ZMIZ1: variants seen among roughly 807,000 people sequenced by gnomAD.
The protein encoded by ZMIZ1 is zinc finger MIZ domain-containing protein 1.
ZMIZ1 carries 17 observed loss-of-function variants against 113.9 expected under a neutral mutation model. The ratio of observed to expected loss-of-function variants is 0.15; its 90% CI spans 0.10 to 0.22. ZMIZ1 has a LOEUF of 0.22. Ranked by LOEUF, ZMIZ1 falls within the 10% of genes least tolerant of loss-of-function variation. The pLI, the probability that ZMIZ1 is intolerant of heterozygous loss-of-function variation, is 1.00. For synonymous variants in ZMIZ1, 607 were observed against 603.1 expected (o/e 1.01, Z -0.09); for missense variants, 1,059 against 1,477.8 (o/e 0.72, Z 4.65).
intron 1 of ZMIZ1, among the ~76,000 whole-genome samples, chr10:79,104,968 T>C (rs1194528504): frequency 3.3e-5 from 5 of 151,416 alleles, no homozygotes; most frequent in Non-Finnish European, 7.4e-5. Context: ...TGTGTGTGTG[T>C]GTGTGTGTGT....
At chr10:79,120,613 A>G (rs1211499065) in intron 2 of ZMIZ1, among the ~76,000 whole-genome samples, 1 of 152,212 alleles carries the variant, frequency 6.6e-6, no homozygotes, top group Non-Finnish European at 1.5e-5. Flanking sequence ...ATCTGGAAAC[A>G]GGAATCGTCC....
In ZMIZ1 at chr10:79,177,127, C is replaced by T. The variant is rs139808878; in HGVS notation, c.-50+14994C>T. Among the ~76,000 whole-genome samples the T allele has an allele frequency of 7.2e-5, 11 of 152,324 alleles. No homozygotes were observed. The East Asian group carries it at 1.5e-3, about 21-fold the overall frequency. On this transcript the variant is annotated intron_variant, in intron 4 of 24. Transcript: ENST00000334512. ...CAGTGAAGCGTGGGCCTGCTCACAG[C>T]GCCTGGCAGGGACCTGTAAATTGAA...
intron 1 of ZMIZ1, among the ~76,000 whole-genome samples, chr10:79,087,233 A>T (rs938075577): frequency 6.6e-6 from 1 of 152,238 alleles, no homozygotes; most frequent in Non-Finnish European, 1.5e-5. Flanking sequence ...TTATACATGT[A>T]TTAGATGATT....
chr10:79,182,127 C>T (rs1419877259), intron 4 of ZMIZ1, among the ~76,000 whole-genome samples: 1 of 152,188 alleles, frequency 6.6e-6, no homozygotes, highest in Non-Finnish European at 1.5e-5. Context: ...TGTGTATGTG[C>T]ACATGCGTGT....
intron 7 of ZMIZ1, among the ~76,000 whole-genome samples, chr10:79,241,199 T>G (rs1161492993): frequency 6.6e-6 from 1 of 152,190 alleles, no homozygotes. Context: ...CAGTGTTCTC[T>G]TGGAACACGT....
intron 4 of ZMIZ1, among the ~76,000 whole-genome samples, chr10:79,173,806 G>T (rs1482439575): frequency 1.3e-5 from 2 of 152,172 alleles, no homozygotes; most frequent in Non-Finnish European, 2.9e-5. Context: ...GAGACGCTAG[G>T]TAATATGCTC....
At position 79,304,165 on chromosome 10, in the gene ZMIZ1, A is replaced by G. The variant is rs1854525279; in HGVS notation, c.2276A>G (p.Lys759Arg). Residue 759 changes from lysine (K) to arginine (R), a missense_variant, in exon 19 of 25, where the codon AAG (lysine) becomes AGG (arginine). This residue lies in a region of ZMIZ1 where 217 missense variants were observed against 426.9 expected (regional missense o/e 0.51). Coordinates refer to ENST00000334512, the MANE Select transcript of ZMIZ1 (RefSeq NM_020338.4). The stretch of plus-strand genomic sequence containing the variant: ...CTGCCTGCTCGAGGACACGATTGCA[A>G]GCATGTGCAGGTGAGCGGCCCCAGA... The part of the protein sequence containing the change: ...IQLPARGHDC[K>R]HVQCFDLESY... 4.3e-6 allele frequency: 7 copies of G among 1,613,450 alleles called. No individual in the cohort carries two copies. The highest frequency in any genetic ancestry group is 1.3e-5 in the African/African-American group (1 of 74,928).
intron 4 of ZMIZ1, among the ~76,000 whole-genome samples, chr10:79,168,390 G>C (rs1339001231): frequency 6.6e-6 from 1 of 152,092 alleles, no homozygotes; most frequent in Non-Finnish European, 1.5e-5. Context: ...GGCACCCCAT[G>C]GCCTTTTTTT....
At chr10:79,189,635 C>G (rs886157402) in intron 4 of ZMIZ1, among the ~76,000 whole-genome samples, 6 of 152,256 alleles carry the variant, frequency 3.9e-5, no homozygotes, top group African/African-American at 1.4e-4. Flanking sequence ...CCCTTAACCA[C>G]TAAGCTATAC....
chr10:79,301,057 C>T, intron 17 of ZMIZ1, 115 bp downstream of exon 17: 1 of 1,424,086 alleles, frequency 7.0e-7, no homozygotes, highest in East Asian at 2.5e-5. Context: ...CGTCACCACC[C>T]CCGTGCCCAC....
rs1268295139 is a variant in ZMIZ1, at chr10:79,314,414, C to A, written c.*1665C>A. The stretch of plus-strand genomic sequence containing the variant: ...GAAAGGTGGCCCCAGCTGTTGACTT[C>A]CAGTCACTGTCCCAGACGGCACAAG... On this transcript the variant is annotated 3_prime_UTR_variant, in exon 25 of 25. Coordinates refer to ENST00000334512, the MANE Select transcript of ZMIZ1 (RefSeq NM_020338.4). The A allele has an allele frequency of 5.4e-6, 2 of 368,368 alleles. No homozygotes were observed. Among genetic ancestry groups the A allele is most frequent in the Non-Finnish European group, 1.1e-5 (2 of 184,142 alleles). The allele number at this position is 368,368 out of a possible 1,614,324, so 22.8% of individuals were successfully genotyped here.
chr10:79,158,244 G>A (rs1845979261), intron 3 of ZMIZ1, among the ~76,000 whole-genome samples: 1 of 152,188 alleles, frequency 6.6e-6, no homozygotes, highest in Non-Finnish European at 1.5e-5. Context: ...GAAGAGCTGA[G>A]GCCTGGTGAT....
chr10:79,084,987 C>G (rs1351775798), intron 1 of ZMIZ1, among the ~76,000 whole-genome samples: 1 of 152,180 alleles, frequency 6.6e-6, no homozygotes, highest in African/African-American at 2.4e-5. Context: ...TTGAAGGTGG[C>G]AGGAGCTAGT....
chr10:79,139,066 T>G (rs1320998033), intron 2 of ZMIZ1, among the ~76,000 whole-genome samples: 1 of 152,114 alleles, frequency 6.6e-6, no homozygotes, highest in Non-Finnish European at 1.5e-5. Context: ...CCTCTCCCAG[T>G]TATAAGCAAA....
At chr10:79,171,365 G>A (rs943019322) in intron 4 of ZMIZ1, among the ~76,000 whole-genome samples, 1 of 152,222 alleles carries the variant, frequency 6.6e-6, no homozygotes, top group African/African-American at 2.4e-5. Context: ...AGGATGCCGG[G>A]GGCCAGAGCT....
chr10:79,304,729 C>A (rs948518559), intron 19 of ZMIZ1, among the ~76,000 whole-genome samples: 1 of 152,230 alleles, frequency 6.6e-6, no homozygotes, highest in Admixed American at 6.5e-5. Flanking sequence ...CCCCTCCTCC[C>A]TCCCAAAGAA....
intron 7 of ZMIZ1, among the ~76,000 whole-genome samples, chr10:79,266,493 C>T (rs746163447): frequency 3.9e-5 from 6 of 152,190 alleles, no homozygotes; most frequent in Non-Finnish European, 7.3e-5. Flanking sequence ...CTGGGAGAAC[C>T]AAAAGGTTGT....
intron 7 of ZMIZ1, among the ~76,000 whole-genome samples, chr10:79,275,769 T>C (rs1009826010): frequency 1.3e-5 from 2 of 152,226 alleles, no homozygotes; most frequent in Non-Finnish European, 2.9e-5. Context: ...GCAGGAGCAC[T>C]GTCTCTGTCC....
intron 4 of ZMIZ1, among the ~76,000 whole-genome samples, chr10:79,199,065 C>T (rs1157482190): frequency 6.6e-6 from 1 of 151,544 alleles, no homozygotes; most frequent in African/African-American, 2.4e-5. Context: ...GCTTCAGGGT[C>T]CCTCGTTTCA....
Sources: allele counts gnomAD v4.1 joint callset (sites outside exome capture counted in the v4.1 genomes callset), GRCh38; gene constraint gnomAD v4.1.1; regional missense constraint gnomAD v4.1.1; transcripts MANE v1.5; gene names NCBI Gene and HGNC (gene_info 2026-07-23, HGNC 2026-07-21).